Variants in PRRG1 observed in about 807,000 individuals in gnomAD.
The protein encoded by PRRG1 is proline rich and Gla domain 1.
PRRG1 carries 5 observed loss-of-function variants against 11.8 expected under a neutral mutation model. The ratio of observed to expected loss-of-function variants is 0.42; its 90% CI spans 0.22 to 0.89. The LOEUF (loss-of-function observed/expected upper bound fraction) is 0.89, where lower values mean the gene tolerates loss of function less well. Among genes scored for constraint, PRRG1 ranks in the 40% least tolerant of loss-of-function variants. The probability of loss-of-function intolerance (pLI) is 0.28; values close to 1 mark genes in which losing one functional copy is unlikely to be tolerated. For synonymous variants in PRRG1, 66 were observed against 60.4 expected (o/e 1.09, Z -0.43); for missense variants, 155 against 166.1 (o/e 0.93, Z 0.37).
At chrX:37,398,744 A>G (rs1366268040) in intron 1 of PRRG1, among the ~76,000 whole-genome samples, 8 of 111,707 alleles carry the variant, frequency 7.2e-5, no homozygotes, top group Non-Finnish European at 1.5e-4. Flanking sequence ...AAAAATTTAG[A>G]CGAATGTATA....
At chrX:37,406,103 G>T in intron 1 of PRRG1, 106 bp from the exon 2 acceptor site, 1 of 648,662 alleles carries the variant, frequency 1.5e-6, no homozygotes, top group South Asian at 4.0e-5. Context: ...GGAATGTACT[G>T]AAATGAAATG....
chrX:37,412,841 C>A (rs940549507), intron 2 of PRRG1, among the ~76,000 whole-genome samples: 1 of 111,145 alleles, frequency 9.0e-6, no homozygotes, highest in Admixed American at 9.6e-5. Context: ...AAAGGTTTCT[C>A]AACTTTAGCA....
chrX:37,385,062 G>A (rs1348959876), intron 1 of PRRG1, among the ~76,000 whole-genome samples: 1 of 111,952 alleles, frequency 8.9e-6, no homozygotes, highest in African/African-American at 3.2e-5. Flanking sequence ...AGCACTACTT[G>A]TAATAAACCT....
At chrX:37,410,100 A>G (rs1556383374) in intron 2 of PRRG1, among the ~76,000 whole-genome samples, 1 of 111,786 alleles carries the variant, frequency 8.9e-6, no homozygotes, top group African/African-American at 3.2e-5. Flanking sequence ...TGTGTGTGGC[A>G]CTGAAATCCC....
chrX:37,371,465 A>G (rs1170549951), intron 1 of PRRG1, among the ~76,000 whole-genome samples: 5 of 112,757 alleles, frequency 4.4e-5, no homozygotes, highest in African/African-American at 1.6e-4. Context: ...GCTGTAACAC[A>G]AACAGGGCTG....
At chrX:37,423,261 CAA>C (rs1569446689) in intron 2 of PRRG1, among the ~76,000 whole-genome samples, 1 of 107,940 alleles carries the variant, frequency 9.3e-6, no homozygotes, top group Non-Finnish European at 1.9e-5. Context: ...TAAATTTTAA[CAA>C]AAAAGTTTCA....
chrX:37,388,538 C>G (rs1931412056), intron 1 of PRRG1, among the ~76,000 whole-genome samples: 1 of 113,379 alleles, frequency 8.8e-6, no homozygotes. Context: ...CTTACATCTT[C>G]TGAAGCAGTG....
chrX:37,370,440 G>A (rs782503415), intron 1 of PRRG1, among the ~76,000 whole-genome samples: 1 of 111,819 alleles, frequency 8.9e-6, no homozygotes, highest in Admixed American at 9.4e-5. Flanking sequence ...GACCAAGGCT[G>A]CTCACTCCAT....
chrX:37,396,336 T>A (rs1395201399), intron 1 of PRRG1, among the ~76,000 whole-genome samples: 1 of 111,873 alleles, frequency 8.9e-6, no homozygotes, highest in Non-Finnish European at 1.9e-5. Flanking sequence ...TACTTGAATA[T>A]ACTTGATACG....
At chrX:37,429,736 C>A (rs782278703) in intron 3 of PRRG1, among the ~76,000 whole-genome samples, 10 of 111,697 alleles carry the variant, frequency 9.0e-5, no homozygotes, top group Non-Finnish European at 1.7e-4. Flanking sequence ...TCAGCAGTGC[C>A]CCACTCTACT....
At chrX:37,446,996 C>T (rs1490373583) in intron 3 of PRRG1, among the ~76,000 whole-genome samples, 6 of 111,389 alleles carry the variant, frequency 5.4e-5, no homozygotes, top group African/African-American at 9.8e-5. Context: ...AGCCCATCTC[C>T]CAACACTGCC....
At chrX:37,375,197 G>T (rs1163891895) in intron 1 of PRRG1, among the ~76,000 whole-genome samples, 2 of 111,583 alleles carry the variant, frequency 1.8e-5, no homozygotes, top group African/African-American at 6.5e-5. Context: ...CTATGATTGG[G>T]TCTCAATCTT....
intron 1 of PRRG1, among the ~76,000 whole-genome samples, chrX:37,352,355 G>A (rs951174155): frequency 1.4e-4 from 16 of 111,638 alleles, no homozygotes; most frequent in African/African-American, 4.9e-4. Context: ...TTTAAAAATA[G>A]CATTAGTCAT....
chrX:37,349,643 A>G (rs1347063182), intron 1 of PRRG1, among the ~76,000 whole-genome samples: 1 of 111,396 alleles, frequency 9.0e-6, no homozygotes, highest in Non-Finnish European at 1.9e-5. Context: ...AATGGGGTTT[A>G]CAGGCTGGAA....
rs997654217 is a variant in PRRG1 at position 37,376,374 on chromosome X, C to T, written c.-42+26979C>T. On this transcript the variant is annotated intron_variant, in intron 1 of 3. Coordinates refer to ENST00000378628, the MANE Select transcript of PRRG1 (RefSeq NM_001142395.2). ...AGGAAATTCTGGATTATGTTATTTT[C>T]ACCCAAAAAGTATTGGTTCCTTTGT... Among the ~76,000 whole-genome samples, 4 of 102,469 alleles carry T rather than the reference C, an allele frequency of 3.9e-5. No homozygotes were observed. The East Asian group carries it at 1.2e-3, about 32-fold the overall frequency. 89.0% of individuals were successfully genotyped at this position (102,469 alleles called of 115,157 possible).
intron 1 of PRRG1, among the ~76,000 whole-genome samples, chrX:37,387,663 A>G (rs781840196): frequency 2.4e-4 from 27 of 111,207 alleles, no homozygotes; most frequent in African/African-American, 8.2e-4. Flanking sequence ...CCATGATCCA[A>G]TCACCTCCCA....
chrX:37,419,296 G>A (rs1473008281), intron 2 of PRRG1, among the ~76,000 whole-genome samples: 2 of 111,589 alleles, frequency 1.8e-5, no homozygotes, highest in Admixed American at 1.9e-4. Flanking sequence ...GTGATGATAA[G>A]CTATCAACAT....
chrX:37,374,694 AT>A (rs1200378728), intron 1 of PRRG1, among the ~76,000 whole-genome samples: 3 of 109,600 alleles, frequency 2.7e-5, no homozygotes, highest in Non-Finnish European at 5.7e-5. Context: ...CCATCTAGTG[AT>A]TTTTTTCATA....
chrX:37,427,208 G>A (rs781884721), intron 3 of PRRG1, among the ~76,000 whole-genome samples: 5 of 111,854 alleles, frequency 4.5e-5, no homozygotes, highest in South Asian at 3.7e-4. Context: ...TAAAGAAATC[G>A]TAAGAACTTG....
Sources: allele counts gnomAD v4.1 joint callset (sites outside exome capture counted in the v4.1 genomes callset), GRCh38; gene constraint gnomAD v4.1.1; transcripts MANE v1.5; gene names NCBI Gene and HGNC (gene_info 2026-07-23, HGNC 2026-07-21).